The following RBFOX1 variants were observed in gnomAD, a reference collection of about 807,000 sequenced individuals.
The protein encoded by RBFOX1 is RNA binding protein fox-1 homolog 1.
In RBFOX1, 8 loss-of-function variants were observed where a neutral mutation model predicts 57.7. That is an observed-to-expected ratio of 0.14 (90% CI 0.08 to 0.25). The LOEUF is 0.25. RBFOX1 is among the 10% of genes least tolerant of loss of function. The pLI is 1.00. For missense variants in RBFOX1, 611 were observed against 548.5 expected (o/e 1.11, Z -1.14); for synonymous variants, 326 against 222.4 (o/e 1.47, Z -4.15).
At chr16:5,747,154 G>T (rs1412335492) in intron 3 of RBFOX1, among the ~76,000 whole-genome samples, 1 of 152,152 alleles carries the variant, frequency 6.6e-6, no homozygotes, top group Admixed American at 6.5e-5. Flanking sequence ...TGTGGTTTTG[G>T]TGTTTGGTTC....
In RBFOX1 at chr16:5,382,392, C is replaced by CT. The variant is rs34198517; in HGVS notation, c.220-84812dup. Among the ~76,000 whole-genome samples the CT allele has an allele frequency of 3.5e-3, 511 of 147,942 alleles. 3 individuals carry two copies. Among genetic ancestry groups the CT allele is most frequent in the Middle Eastern group, 0.014 (4 of 278 alleles). On this transcript the variant is annotated intron_variant, in intron 1 of 2. Transcript: ENST00000585867. ...TGCTATGAAATCATGCCATTTTCAT[C>CT]TTTTTTTTTTTTCAAAGAGATGTTG...
intron 2 of RBFOX1, among the ~76,000 whole-genome samples, chr16:6,580,719 G>T (rs1267401994): frequency 6.6e-6 from 1 of 152,108 alleles, no homozygotes; most frequent in Admixed American, 6.5e-5. Flanking sequence ...TTCTAGAGAT[G>T]AGACCAGCTG....
intron 1 of RBFOX1, among the ~76,000 whole-genome samples, chr16:5,410,251 G>C (rs549049432): frequency 1.3e-5 from 2 of 151,722 alleles, no homozygotes; most frequent in East Asian, 2.0e-4. Flanking sequence ...TGTACCTGTA[G>C]TTCCAGCTAC....
At chr16:7,286,983 A>G (rs1465023696) in intron 4 of RBFOX1, among the ~76,000 whole-genome samples, 2 of 152,198 alleles carry the variant, frequency 1.3e-5, no homozygotes, top group African/African-American at 2.4e-5. Flanking sequence ...GTGAAGCTAC[A>G]TAACCACTTG....
intron 2 of RBFOX1, among the ~76,000 whole-genome samples, chr16:5,493,211 T>G (rs1302580477): frequency 6.6e-6 from 1 of 152,232 alleles, no homozygotes; most frequent in African/African-American, 2.4e-5. Context: ...CTGAAATTTT[T>G]TATTTGCTTA....
chr16:7,585,841 G>C (rs2094088469), intron 6 of RBFOX1, among the ~76,000 whole-genome samples: 1 of 152,118 alleles, frequency 6.6e-6, no homozygotes, highest in Non-Finnish European at 1.5e-5. Context: ...GATACTCTAT[G>C]ACTGAAACAC....
At chr16:6,688,914 T>A (rs1158761903) in intron 3 of RBFOX1, among the ~76,000 whole-genome samples, 2 of 152,216 alleles carry the variant, frequency 1.3e-5, no homozygotes, top group African/African-American at 4.8e-5. Flanking sequence ...TGTGTCAGTT[T>A]CCTGAGAATG....
At chr16:5,833,351 C>T (rs1034364510) in intron 3 of RBFOX1, among the ~76,000 whole-genome samples, 12 of 151,880 alleles carry the variant, frequency 7.9e-5, no homozygotes, top group East Asian at 1.9e-4. Flanking sequence ...AAGAATTAGC[C>T]GGGCATGGTG....
chr16:5,938,484 G>C (rs144808462), intron 4 of RBFOX1, among the ~76,000 whole-genome samples: 1 of 152,128 alleles, frequency 6.6e-6, no homozygotes, highest in East Asian at 1.9e-4. Flanking sequence ...CTCAGTCTCC[G>C]TGGCAAGTTG....
intron 1 of RBFOX1, among the ~76,000 whole-genome samples, chr16:5,262,020 C>G (rs898794452): frequency 2.6e-5 from 4 of 152,152 alleles, no homozygotes; most frequent in Non-Finnish European, 4.4e-5. Flanking sequence ...GAATCACTGT[C>G]TTGATTTATA....
rs1428128258 is a variant in RBFOX1 at position 7,019,112 on chromosome 16, TGA to T, written c.-15-32941_-15-32940del. 2.0e-5 allele frequency among the ~76,000 whole-genome samples: 3 copies of T among 152,028 alleles called. No individual in the cohort carries two copies. The East Asian group carries it at 5.8e-4, about 29-fold the overall frequency. The stretch of plus-strand genomic sequence containing the variant: ...TGTCTGTGTGTGTATGTGTAAAGAC[TGA>T]GAGGTAATGATACTGATTGAGTTGA... On this transcript the variant is annotated intron_variant, in intron 3 of 15. Transcript: ENST00000550418.
chr16:7,190,289 G>A (rs1330664729), intron 4 of RBFOX1, among the ~76,000 whole-genome samples: 2 of 152,188 alleles, frequency 1.3e-5, no homozygotes, highest in African/African-American at 4.8e-5. Flanking sequence ...AACGCAGGAG[G>A]CGGAGGTTGC....
intron 4 of RBFOX1, among the ~76,000 whole-genome samples, chr16:7,167,993 G>T (rs1454517794): frequency 6.6e-6 from 1 of 152,088 alleles, no homozygotes; most frequent in Non-Finnish European, 1.5e-5. Context: ...CACAAGGTAA[G>T]GATTTTTTTT....
At chr16:7,290,735 G>T (rs138379869) in intron 4 of RBFOX1, among the ~76,000 whole-genome samples, 1 of 152,304 alleles carries the variant, frequency 6.6e-6, no homozygotes, top group Non-Finnish European at 1.5e-5. Context: ...GTGCGTGTCC[G>T]TGTGTACAGG....
At chr16:7,369,874 C>A (rs1046318557) in intron 4 of RBFOX1, among the ~76,000 whole-genome samples, 1 of 152,158 alleles carries the variant, frequency 6.6e-6, no homozygotes, top group Admixed American at 6.5e-5. Flanking sequence ...AGCCAGCCTG[C>A]AAAACAGCAA....
At chr16:7,637,461 CGAT>C (rs1434003838) in intron 11 of RBFOX1, among the ~76,000 whole-genome samples, 1 of 152,108 alleles carries the variant, frequency 6.6e-6, no homozygotes, top group Non-Finnish European at 1.5e-5. Context: ...ATTCATAAAA[CGAT>C]GATTTAAGTG....
At chr16:7,538,597 G>C (rs575850427) in intron 5 of RBFOX1, among the ~76,000 whole-genome samples, 1 of 152,262 alleles carries the variant, frequency 6.6e-6, no homozygotes, top group Admixed American at 6.5e-5. Flanking sequence ...GAGAGAGATG[G>C]AAACAAATAA....
At chr16:5,648,674 A>G (rs1383839917) in intron 3 of RBFOX1, among the ~76,000 whole-genome samples, 1 of 152,156 alleles carries the variant, frequency 6.6e-6, no homozygotes, top group African/African-American at 2.4e-5. Context: ...AGAAAAGAAA[A>G]AAATGCATTT....
At chr16:6,897,441 G>A (rs1230934671) in intron 3 of RBFOX1, among the ~76,000 whole-genome samples, 1 of 152,078 alleles carries the variant, frequency 6.6e-6, no homozygotes, top group African/African-American at 2.4e-5. Context: ...ACTGGGGCAT[G>A]TCCTGACACA....
Sources: allele counts gnomAD v4.1 joint callset (sites outside exome capture counted in the v4.1 genomes callset), GRCh38; gene constraint gnomAD v4.1.1; transcripts MANE v1.5; gene names NCBI Gene and HGNC (gene_info 2026-07-23, HGNC 2026-07-21).